Variants in ITGA3 observed in about 807,000 individuals in gnomAD.
ITGA3 encodes the protein integrin subunit alpha 3, also known as integrin alpha-3.
ITGA3 carries 70 observed loss-of-function variants against 131.1 expected under a neutral mutation model. That is an observed-to-expected ratio of 0.53 (90% CI 0.44 to 0.65). The LOEUF is 0.65. ITGA3 is among the 30% of genes least tolerant of loss of function. The probability of loss-of-function intolerance (pLI) is 0.00; values close to 1 mark genes in which losing one functional copy is unlikely to be tolerated. For missense variants in ITGA3, 1,098 were observed against 1,388.6 expected, an observed-to-expected ratio of 0.79 and a Z score of 3.33; for synonymous variants, 537 against 571.6, an observed-to-expected ratio of 0.94 and a Z score of 0.86.
Position 50,078,934 on chromosome 17 carries a change from G to C in ITGA3, c.2400+8G>C. On this transcript the variant is annotated splice_region_variant and intron_variant, in intron 19 of 25. Transcript: ENST00000320031. ...CTCAAGTATGAATTCCAGGTAAGGG[G>C]CTCGCCAGAGTCCTGGGCTGGGGAC... 1.3e-6 allele frequency: 2 copies of C among 1,572,508 alleles called. No individual in the cohort carries two copies. Among genetic ancestry groups the C allele is most frequent in the African/African-American group, 2.7e-5 (2 of 74,224 alleles).
At position 50,077,552 on chromosome 17, in the gene ITGA3, G is replaced by T. The variant is rs1290743525; in HGVS notation, c.2139+105G>T. The T allele has an allele frequency of 1.5e-5, 13 of 892,852 alleles. No individual in the cohort carries two copies. In the Admixed American group the frequency reaches 2.1e-4, roughly 14 times the overall value. The allele number at this position is 892,852 out of a possible 1,614,324, so 55.3% of individuals were successfully genotyped here. A position where few individuals can be genotyped will look rare whatever the true frequency, so the allele number is the denominator to read the frequency against. On this transcript the variant is annotated intron_variant, in intron 16 of 25. Transcript: ENST00000320031. ...GCCTGCCTGCTTTCTGGGCTCCCTC[G>T]AAGTGGAGAGCCACAGTGCGGGAGG... is the stretch of plus-strand genomic sequence containing the variant.
chr17:50,075,692 C>T lies in ITGA3; in HGVS notation c.1631C>T (p.Ser544Phe), dbSNP rs1908856655. 1.2e-6 allele frequency: 2 copies of T among 1,614,052 alleles called. No individual in the cohort carries two copies. The highest frequency in any genetic ancestry group is 1.3e-5 in the African/African-American group (1 of 74,926). The change falls in exon 12 of 26, where the codon TCC becomes TTC. Residue 544 changes from serine to phenylalanine, a missense_variant. By Grantham distance (155) the Ser-to-Phe change is radical. This residue lies in a region of ITGA3 where 699 missense variants were observed against 829.2 expected (regional missense o/e 0.84). Transcript: ENST00000320031. The stretch of plus-strand genomic sequence containing the variant: ...TCCGCTGTCTTCCACGGCTTCTTCT[C>T]CATGCCCGAGATGCGCTGCCAGAAG... ...SESAVFHGFF[S>F]MPEMRCQKLE...
rs779780078 is a variant in ITGA3, at chr17:50,076,359, A to C, written c.1708A>C (p.Ile570Leu). 2 of 1,613,660 alleles carry C rather than the reference A, an allele frequency of 1.2e-6. No individual in the cohort carries two copies. Among genetic ancestry groups the C allele is most frequent in the South Asian group, 2.2e-5 (2 of 91,070 alleles). Residue 570 changes from isoleucine to leucine, a missense_variant, in exon 13 of 26, where the codon ATC becomes CTC. Around this residue, in one of 3 missense-constraint regions of ITGA3, gnomAD observed 699 missense variants for 829.2 expected, o/e 0.84. Transcript: ENST00000320031. Reference protein sequence around the residue: ...NLRDKLRPIIISMNYSLPLRM... With the variant: ...NLRDKLRPIILSMNYSLPLRM... ...CCGTGACAAACTCCGCCCCATCATCATCTCCATGAACTACTCTTTACCTTT... is the reference window on the plus strand; with the variant it reads ...CCGTGACAAACTCCGCCCCATCATCCTCTCCATGAACTACTCTTTACCTTT...
Position 50,087,756 on chromosome 17 carries a change from A to G in ITGA3, c.2932A>G (p.Ile978Val), listed in dbSNP as rs767130624. ...CTCCCCGCTCCAGTTCTCTGTGGAC[A>G]TTGACTCGGAGCTGGTGGAGGAGCT... ...ENKTTWFSVD[I>V]DSELVEELPA... is the part of the protein sequence containing the mutation. The change falls in exon 24 of 26, where the codon ATT (isoleucine) becomes GTT (valine). Residue 978 changes from isoleucine to valine, a missense_variant. By Grantham distance (29) the Ile-to-Val change is conservative. Around this residue, in one of 3 missense-constraint regions of ITGA3, gnomAD observed 699 missense variants for 829.2 expected, o/e 0.84. Coordinates refer to ENST00000320031, the MANE Select transcript of ITGA3 (RefSeq NM_002204.4). The G allele has an allele frequency of 9.9e-6, 16 of 1,613,134 alleles. No homozygotes were observed. Among genetic ancestry groups the G allele is most frequent in the African/African-American group, 1.3e-5 (1 of 74,902 alleles).
chr17:50,076,787 G>T (rs1908928016), intron 14 of ITGA3, 106 bp downstream of exon 14: 1 of 1,217,538 alleles, frequency 8.2e-7, no homozygotes, highest in Non-Finnish European at 1.2e-6. Context: ...CCAGGGACAG[G>T]GCTTTAGCGG....
At chr17:50,061,350 G>T (rs1450930451) in intron 1 of ITGA3, among the ~76,000 whole-genome samples, 3 of 152,066 alleles carry the variant, frequency 2.0e-5, no homozygotes, top group African/African-American at 7.2e-5. Flanking sequence ...GTTCAGAGGA[G>T]GGAGTCCCTT....
chr17:50,074,118 C>A, intron 8 of ITGA3, 26 bp from the exon 9 acceptor site: 1 of 1,601,078 alleles, frequency 6.2e-7, no homozygotes, highest in Non-Finnish European at 8.6e-7. Flanking sequence ...CCAGAGCCTG[C>A]CCCCACCACT....
Position 50,064,306 on chromosome 17 carries a change from T to C in ITGA3, c.334+102T>C. The C allele has an allele frequency of 7.0e-7, 1 of 1,428,650 alleles. No individual in the cohort carries two copies. 88.5% of individuals were successfully genotyped at this position (1,428,650 alleles called of 1,614,324 possible). Reference sequence around the variant, plus strand: ...GAGATAGAAGGCTTGTTCACACGGCTTCTAGTCGCTTCTTGTCCAGCTGGG... The same window carrying C: ...GAGATAGAAGGCTTGTTCACACGGCCTCTAGTCGCTTCTTGTCCAGCTGGG... On this transcript the variant is annotated intron_variant, in intron 2 of 25. Transcript: ENST00000320031. The surrounding 1 kb of genome is among the most constrained non-coding windows in gnomAD (Gnocchi z 4.4).
rs749457048 is a variant in ITGA3, at chr17:50,075,509, A to C, written c.1520A>C (p.Asn507Thr). 72 of 1,614,208 alleles carry C rather than the reference A, an allele frequency of 4.5e-5. No homozygotes were observed. The East Asian group carries it at 1.4e-3, about 32-fold the overall frequency. Residue 507 changes from asparagine to threonine, a missense_variant, in exon 11 of 26, where the codon AAC becomes ACC. Around this residue, in one of 3 missense-constraint regions of ITGA3, gnomAD observed 699 missense variants for 829.2 expected, o/e 0.84. Coordinates refer to ENST00000320031, the MANE Select transcript of ITGA3 (RefSeq NM_002204.4). Reference sequence around the variant, plus strand: ...TACAACCAGAGTGCCGGGAACCCCAACTACAGGCGAAACATCAGTGAGTGC... The same window carrying C: ...TACAACCAGAGTGCCGGGAACCCCACCTACAGGCGAAACATCAGTGAGTGC... ...FAYNQSAGNPNYRRNITLAYT... is the reference protein window; with the variant it reads ...FAYNQSAGNPTYRRNITLAYT...
At chr17:50,082,184 T>G (rs1045499739) in intron 23 of ITGA3, among the ~76,000 whole-genome samples, 14 of 151,788 alleles carry the variant, frequency 9.2e-5, no homozygotes, top group African/African-American at 2.4e-4. Flanking sequence ...ATTTATGTAT[T>G]TATTTATTTA....
chr17:50,087,714 C>G (rs375956008), intron 23 of ITGA3, 30 bp from the exon 24 acceptor site: 3 of 1,599,064 alleles, frequency 1.9e-6, no homozygotes, highest in African/African-American at 2.7e-5. Flanking sequence ...CAGGCTGACA[C>G]AGGGCTGAGT....
At position 50,080,466 on chromosome 17, in the gene ITGA3, GTGT is replaced by G. The variant is rs1567703952; in HGVS notation, c.2820+92_2820+94del. On this transcript the variant is annotated intron_variant, in intron 22 of 25. Transcript: ENST00000320031. ...GCGAGTCCAGGGTCATAGCATGGGT[GTGT>G]GTGTGTGTGTGTGTGTGTGTGTGTG... The G allele has an allele frequency of 3.9e-3, 378 of 96,754 alleles. 3 individuals carry two copies. The highest frequency in any genetic ancestry group is 0.013 in the African/African-American group (288 of 21,378). 6.0% of individuals were successfully genotyped at this position (96,754 alleles called of 1,614,324 possible).
Position 50,056,334 on chromosome 17 carries a change from C to T in ITGA3, c.-106C>T, listed in dbSNP as rs1055440940. ...CAGCGCTACGGAGCGCAGCGGCCGG[C>T]GGGTTCCAGTGTCCTCCGGCGGCGC... On this transcript the variant is annotated 5_prime_UTR_variant, in exon 1 of 26. Coordinates refer to ENST00000320031, the MANE Select transcript of ITGA3 (RefSeq NM_002204.4). This position sits in a 1 kb window ranked among gnomAD's most constrained non-coding sequence, Gnocchi z 5.6. The T allele has an allele frequency of 2.7e-6, 2 of 738,460 alleles. No homozygotes were observed. Among genetic ancestry groups the T allele is most frequent in the African/African-American group, 1.9e-5 (1 of 52,922 alleles). 45.7% of individuals were successfully genotyped at this position (738,460 alleles called of 1,614,324 possible).
rs749222510 is a variant in ITGA3 at position 50,064,252 on chromosome 17, G to T, written c.334+48G>T. On this transcript the variant is annotated intron_variant, in intron 2 of 25. Coordinates refer to ENST00000320031, the MANE Select transcript of ITGA3 (RefSeq NM_002204.4). The surrounding 1 kb of genome is among the most constrained non-coding windows in gnomAD (Gnocchi z 4.4). ...GGGTGCTGGGTCAGAGGTCTGGCAG[G>T]GGGGTACCGCAGAGAGAATGGCCTG... 1.0e-5 allele frequency: 16 copies of T among 1,571,076 alleles called. 1 individual carries two copies. In the South Asian group the frequency reaches 1.5e-4, roughly 15 times the overall value.
intron 23 of ITGA3, among the ~76,000 whole-genome samples, chr17:50,081,917 A>T (rs1244646196): frequency 1.3e-5 from 2 of 152,194 alleles, no homozygotes; most frequent in Non-Finnish European, 2.9e-5. Flanking sequence ...GGCAGAATGG[A>T]GGGAGGTTCA....
In ITGA3 at chr17:50,079,541, A is replaced by G. The variant is rs141454397; in HGVS notation, c.2690A>G (p.Lys897Arg). The G allele has an allele frequency of 1.3e-6, 2 of 1,549,272 alleles. No homozygotes were observed. Among genetic ancestry groups the G allele is most frequent in the African/African-American group, 1.4e-5 (1 of 72,604 alleles). The part of the protein sequence containing the change: ...PVTLAAAKKA[K>R]SETVLTCATG... ...ACTCTGGCTGCTGCCAAAAAAGCCA[A>G]GTCTGAGACTGTGCTGGTGAGTGGC... The change falls in exon 21 of 26, where the codon AAG becomes AGG. Residue 897 changes from lysine (K) to arginine (R), a missense_variant. Around this residue, in one of 3 missense-constraint regions of ITGA3, gnomAD observed 699 missense variants for 829.2 expected, o/e 0.84. Coordinates refer to ENST00000320031, the MANE Select transcript of ITGA3 (RefSeq NM_002204.4).
rs751827760 is a variant in ITGA3, at chr17:50,075,748, C to G, written c.1674+13C>G. ...GCTGCTCCTGATGGTGAGGGAGGAG[C>G]AAGGGTCAGGATGAGGGCTCCCAGG... On this transcript the variant is annotated intron_variant, in intron 12 of 25. Coordinates refer to ENST00000320031, the MANE Select transcript of ITGA3 (RefSeq NM_002204.4). The G allele has an allele frequency of 6.2e-7, 1 of 1,613,610 alleles. No homozygotes were observed. The highest frequency in any genetic ancestry group is 1.7e-5 in the Admixed American group (1 of 60,002).
intron 4 of ITGA3, among the ~76,000 whole-genome samples, chr17:50,069,275 G>A (rs1483314695): frequency 6.6e-6 from 1 of 152,158 alleles, no homozygotes; most frequent in African/African-American, 2.4e-5. Flanking sequence ...TGGAATACAG[G>A]TCCATCTGAC....
At chr17:50,076,789 C>G in intron 14 of ITGA3, 108 bp downstream of exon 14, 2 of 1,222,006 alleles carry the variant, frequency 1.6e-6, no homozygotes, top group Non-Finnish European at 1.2e-6. Context: ...AGGGACAGGG[C>G]TTTAGCGGGA....
Sources: allele counts gnomAD v4.1 joint callset (sites outside exome capture counted in the v4.1 genomes callset), GRCh38; gene constraint gnomAD v4.1.1; regional missense constraint gnomAD v4.1.1; non-coding constraint Gnocchi (gnomAD v3.1); transcripts MANE v1.5; gene names NCBI Gene and HGNC (gene_info 2026-07-23, HGNC 2026-07-21).